Variants in GAA observed in about 807,000 individuals in gnomAD.
GAA encodes alpha glucosidase.
Under a neutral mutation model 103.9 loss-of-function variants are expected in GAA, and 88 were observed. The ratio of observed to expected loss-of-function variants is 0.85; its 90% CI spans 0.71 to 1.01. The LOEUF (loss-of-function observed/expected upper bound fraction) is 1.01. GAA is among the 50% of genes least tolerant of loss of function. GAA has a pLI of 0.00. For synonymous variants in GAA, 572 were observed against 563.1 expected, an observed-to-expected ratio of 1.02 and a Z score of -0.22; for missense variants, 1,350 against 1,305.3, an observed-to-expected ratio of 1.03 and a Z score of -0.53.
chr17:80,106,315 A>G (rs747104519), intron 3 of GAA, among the ~76,000 whole-genome samples: 2 of 110,746 alleles, frequency 1.8e-5, no homozygotes, highest in Non-Finnish European at 4.2e-5. Flanking sequence ...AGGGGAAGCC[A>G]TAAGCAAGTC....
At chr17:80,111,651 A>G (rs576244046) in intron 11 of GAA, 159 of 397,112 alleles carry the variant, frequency 4.0e-4, no homozygotes, top group Non-Finnish European at 6.8e-4. Context: ...CCAGCAAAGA[A>G]TCAGTGAGAG....
At position 80,104,673 on chromosome 17, in the gene GAA, C is replaced by T. The variant is rs2039028572; in HGVS notation, c.87C>T (p.His29=). The part of the protein sequence containing the change: ...VSLATAALLG[H]ILLHDFLLVP... ...TGGCAACCGCTGCACTCCTGGGGCA[C>T]ATCCTACTCCATGATTTCCTGCTGG... The change falls in exon 2 of 20, where the codon CAC becomes CAT. Residue 29 remains histidine, a synonymous_variant. Coordinates refer to ENST00000302262, the MANE Select transcript of GAA (RefSeq NM_000152.5). This position sits in a 1 kb window ranked among gnomAD's most constrained non-coding sequence, Gnocchi z 4.0. The T allele has an allele frequency of 1.2e-6, 2 of 1,613,260 alleles. No homozygotes were observed. Among genetic ancestry groups the T allele is most frequent in the South Asian group, 1.1e-5 (1 of 91,088 alleles).
intron 3 of GAA, 65 bp from the exon 4 acceptor site, chr17:80,107,479 CGGGGGTGCTCTCT>C: frequency 6.3e-7 from 1 of 1,592,272 alleles, no homozygotes; most frequent in Admixed American, 1.7e-5. Flanking sequence ...CACCAGGGCC[CGGGGGTGCTCTCT>C]GGGTGCTCTC....
intron 11 of GAA, 194 bp from the exon 12 acceptor site, chr17:80,111,789 G>A (rs778293862): frequency 2.2e-5 from 13 of 602,398 alleles, no homozygotes; most frequent in African/African-American, 3.7e-5. Context: ...CTTAGAAGCA[G>A]TGGAGATGAT....
At chr17:80,117,514 C>T in intron 16 of GAA, 86 bp from the exon 17 acceptor site, 1 of 1,501,024 alleles carries the variant, frequency 6.7e-7, no homozygotes, top group Admixed American at 1.7e-5. Flanking sequence ...CCACGTGGAG[C>T]CCCGGGAGAT....
rs1325124472 is a variant in GAA, at chr17:80,104,864, C to T, written c.278C>T (p.Ala93Val). 1.9e-6 allele frequency: 3 copies of T among 1,612,894 alleles called. No individual in the cohort carries two copies. The highest frequency in any genetic ancestry group is 2.2e-5 in the South Asian group (2 of 91,062). The stretch of plus-strand genomic sequence containing the variant: ...CCCCCCAACAGCCGCTTCGATTGCG[C>T]CCCTGACAAGGCCATCACCCAGGAA... ...DVPPNSRFDC[A>V]PDKAITQEQC... The change falls in exon 2 of 20, where the codon GCC becomes GTC. Residue 93 changes from alanine (A) to valine (V), a missense_variant. By Grantham distance (64) the Ala-to-Val change is moderately conservative. Transcript: ENST00000302262. This position sits in a 1 kb window ranked among gnomAD's most constrained non-coding sequence, Gnocchi z 4.0.
chr17:80,118,908 C>G (rs2039421665), intron 19 of GAA, 103 bp downstream of exon 19: 1 of 1,396,514 alleles, frequency 7.2e-7, no homozygotes. Flanking sequence ...ACAGAGGATG[C>G]TGGGACCTCC....
At chr17:80,116,488 C>T (rs1292388392) in intron 15 of GAA, among the ~76,000 whole-genome samples, 2 of 152,200 alleles carry the variant, frequency 1.3e-5, no homozygotes, top group Non-Finnish European at 1.5e-5. Flanking sequence ...GGACAGTCTC[C>T]GTTAGACGGA....
chr17:80,109,395 C>A (rs2039175534), intron 8 of GAA, among the ~76,000 whole-genome samples: 1 of 152,206 alleles, frequency 6.6e-6, no homozygotes, highest in Non-Finnish European at 1.5e-5. Context: ...CAGAAGGATG[C>A]AGTTTGGGGG....
chr17:80,116,953 C>T lies in GAA; in HGVS notation c.2190-15C>T. On this transcript the variant is annotated splice_polypyrimidine_tract_variant and intron_variant, in intron 15 of 19. Transcript: ENST00000302262. ...ATTCATCACCCGTATGCCTGTGTGC[C>T]CATCCCCCTTGCAGGTTCCCCAAGG... The T allele has an allele frequency of 1.2e-6, 2 of 1,613,606 alleles. No individual in the cohort carries two copies. The highest frequency in any genetic ancestry group is 8.5e-7 in the Non-Finnish European group (1 of 1,179,996).
chr17:80,107,739 C>G lies in GAA; in HGVS notation c.858+17C>G. 1 of 1,610,086 alleles carries G rather than the reference C, an allele frequency of 6.2e-7. No individual in the cohort carries two copies. The highest frequency in any genetic ancestry group is 8.5e-7 in the Non-Finnish European group (1 of 1,178,472). On this transcript the variant is annotated intron_variant, in intron 4 of 19. Coordinates refer to ENST00000302262, the MANE Select transcript of GAA (RefSeq NM_000152.5). Reference sequence around the variant, plus strand: ...GCGCCCACGGTACAGCGGCGGGCGGCGGGCGGGGGCACTGAGCTGGGGAGC... The same window carrying G: ...GCGCCCACGGTACAGCGGCGGGCGGGGGGCGGGGGCACTGAGCTGGGGAGC...
In GAA at chr17:80,104,618, G is replaced by T. The variant is rs138812846; in HGVS notation, c.32G>T (p.Arg11Leu). 9 of 1,612,642 alleles carry T rather than the reference G, an allele frequency of 5.6e-6. No individual in the cohort carries two copies. The highest frequency in any genetic ancestry group is 1.3e-5 in the African/African-American group (1 of 74,922). MGVRHPPCSH[R>L]LLAVCALVSL... The stretch of plus-strand genomic sequence containing the variant: ...GTGAGGCACCCGCCCTGCTCCCACC[G>T]GCTCCTGGCCGTCTGCGCCCTCGTG... Residue 11 changes from arginine to leucine, a missense_variant, in exon 2 of 20, where the codon CGG becomes CTG. Physicochemically the swap from Arg to Leu is moderately radical, Grantham distance 102. Transcript: ENST00000302262. This position sits in a 1 kb window ranked among gnomAD's most constrained non-coding sequence, Gnocchi z 4.0.
chr17:80,119,015 C>T (rs1032512982), intron 19 of GAA, among the ~76,000 whole-genome samples: 1 of 152,326 alleles, frequency 6.6e-6, no homozygotes, highest in East Asian at 1.9e-4. Context: ...GCCACAATGA[C>T]GACCTCTGAG....
chr17:80,111,412 GGC>G (rs2039235040), intron 11 of GAA, among the ~76,000 whole-genome samples: 2 of 152,212 alleles, frequency 1.3e-5, no homozygotes, highest in South Asian at 2.1e-4. Flanking sequence ...TGGGCTCAGA[GGC>G]AGGAATTACC....
At chr17:80,112,776 C>T (rs907542507) in intron 13 of GAA, 65 bp downstream of exon 13, 133 of 1,576,306 alleles carry the variant, frequency 8.4e-5, no homozygotes, top group Non-Finnish European at 9.9e-5. Flanking sequence ...GGAGGCTTGC[C>T]GGGGCCCCCC....
At chr17:80,112,218 C>A in intron 12 of GAA, 118 bp downstream of exon 12, 1 of 1,041,032 alleles carries the variant, frequency 9.6e-7, no homozygotes, top group Non-Finnish European at 1.5e-6. Flanking sequence ...CCGGGGCCCG[C>A]TGGCGGCCCG....
intron 11 of GAA, chr17:80,111,664 T>G: frequency 7.3e-6 from 3 of 411,928 alleles, no homozygotes; most frequent in Middle Eastern, 7.4e-4. Flanking sequence ...AGTGAGAGGA[T>G]GGGGTTTTGG....
At chr17:80,106,052 G>A (rs556179857) in intron 3 of GAA, among the ~76,000 whole-genome samples, 158 bp downstream of exon 3, 1 of 152,152 alleles carries the variant, frequency 6.6e-6, no homozygotes, top group East Asian at 1.9e-4. Context: ...CTCACAGGGC[G>A]CTCCCTGGGT....
intron 18 of GAA, 134 bp downstream of exon 18, chr17:80,118,491 A>G: frequency 1.4e-6 from 2 of 1,410,932 alleles, no homozygotes; most frequent in South Asian, 2.3e-5. Context: ...CTGGGGTCCT[A>G]GAGTGAGCAG....
Sources: gnomAD v4.1 joint callset for allele counts (sites outside exome capture counted in the v4.1 genomes callset) on GRCh38, gnomAD v4.1.1 for gene constraint, Gnocchi (gnomAD v3.1) non-coding constraint, MANE v1.5 for transcripts, NCBI Gene and HGNC (gene_info 2026-07-23, HGNC 2026-07-21) for gene names.